EVC2: variants seen among roughly 807,000 people sequenced by gnomAD.
The protein encoded by EVC2 is limbin.
A neutral mutation model predicts 149.3 loss-of-function variants in EVC2; 148 were observed. That is an observed-to-expected ratio of 0.99 (90% confidence interval 0.87 to 1.14). EVC2 has a LOEUF of 1.14. Among genes scored for constraint, EVC2 ranks in the 50% most tolerant of loss-of-function variants. EVC2 has a pLI of 0.00. For missense variants in EVC2, 1,854 were observed against 1,627.3 expected (o/e 1.14, Z -2.40); for synonymous variants, 776 against 649.9 (o/e 1.19, Z -2.95).
At chr4:5,707,556 G>A (rs976705033) in intron 1 of EVC2, among the ~76,000 whole-genome samples, 1 of 152,082 alleles carries the variant, frequency 6.6e-6, no homozygotes, top group African/African-American at 2.4e-5. Context: ...CAGAGGTCTG[G>A]GGGAAAATGG....
At chr4:5,548,350 C>A (rs962474407) in intron 21 of EVC2, among the ~76,000 whole-genome samples, 10 of 150,336 alleles carry the variant, frequency 6.7e-5, no homozygotes, top group African/African-American at 2.5e-4. Context: ...GGAGCTGCAG[C>A]AGCCACCTTG....
At chr4:5,641,178 C>T (rs1217328951) in intron 9 of EVC2, among the ~76,000 whole-genome samples, 1 of 152,134 alleles carries the variant, frequency 6.6e-6, no homozygotes, top group Non-Finnish European at 1.5e-5. Context: ...GTTTATTTTA[C>T]TTTTCTTCCC....
the EVC2 span, among the ~76,000 whole-genome samples, chr4:5,533,202 A>G: frequency 3.3e-5 from 5 of 151,900 alleles, 1 homozygote; most frequent in African/African-American, 7.3e-5. Context: ...TGGGTTGGGG[A>G]GGAGGTGGGG....
intron 21 of EVC2, among the ~76,000 whole-genome samples, chr4:5,554,150 G>C (rs1166951069): frequency 2.0e-5 from 3 of 152,162 alleles, no homozygotes; most frequent in African/African-American, 7.2e-5. Flanking sequence ...CATAGGACAA[G>C]GAAAAAGTTG....
chr4:5,604,922 C>T (rs752379201), intron 16 of EVC2, among the ~76,000 whole-genome samples: 7 of 151,926 alleles, frequency 4.6e-5, no homozygotes, highest in Non-Finnish European at 8.8e-5. Context: ...CTGCTACCCC[C>T]GAGACAGCAA....
chr4:5,689,144 G>A lies in EVC2; in HGVS notation c.706+13C>T, dbSNP rs371526145. 108 of 1,613,658 alleles carry A rather than the reference G, an allele frequency of 6.7e-5. No individual in the cohort carries two copies. Among genetic ancestry groups the A allele is most frequent in the Non-Finnish European group, 8.2e-5 (97 of 1,179,954 alleles). ...CATTTGTCATCCCTGACTTCAGAAC[G>A]CTTTGCTGTTACCTTGCAGAAACTT... is the stretch of plus-strand genomic sequence containing the variant. On this transcript the variant is annotated intron_variant, in intron 5 of 21. Coordinates refer to ENST00000344408, the MANE Select transcript of EVC2 (RefSeq NM_147127.5).
In EVC2 at chr4:5,708,372, G is replaced by A. The variant is rs1036132954; in HGVS notation, c.142C>T (p.Arg48Trp). The A allele has an allele frequency of 6.0e-6, 9 of 1,491,892 alleles. No homozygotes were observed. Among genetic ancestry groups the A allele is most frequent in the South Asian group, 3.8e-5 (3 of 78,684 alleles). 92.4% of individuals were successfully genotyped at this position (1,491,892 alleles called of 1,614,324 possible). Residue 48 changes from arginine (R) to tryptophan (W), a missense_variant, in exon 1 of 22, where the codon CGG becomes TGG. Arg to Trp is a moderately radical substitution (Grantham distance 101, BLOSUM62 -3). Coordinates refer to ENST00000344408, the MANE Select transcript of EVC2 (RefSeq NM_147127.5). ...RWRPLGAQPP[R>W]DPQVAPRSGP... ...GACCTAGGAGCCACCTGGGGATCCCGGGGTGGCTGCGCGCCGAGGGGGCGC... is the reference window on the plus strand; with the variant it reads ...GACCTAGGAGCCACCTGGGGATCCCAGGGTGGCTGCGCGCCGAGGGGGCGC...
At chr4:5,546,284 G>A (rs137930962) in intron 21 of EVC2, among the ~76,000 whole-genome samples, 1,628 of 152,266 alleles carry the variant, frequency 0.011, 28 homozygotes, top group African/African-American at 0.036. Flanking sequence ...CTGCGGCACT[G>A]TTCACAATAG....
chr4:5,609,814 C>A (rs753802486), intron 16 of EVC2, among the ~76,000 whole-genome samples: 119 of 152,224 alleles, frequency 7.8e-4, no homozygotes, highest in Non-Finnish European at 1.5e-3. Flanking sequence ...TGACACAGAA[C>A]AGAGAGCTTC....
At chr4:5,598,429 T>G (rs1226282016) in intron 16 of EVC2, among the ~76,000 whole-genome samples, 1 of 151,812 alleles carries the variant, frequency 6.6e-6, no homozygotes, top group Non-Finnish European at 1.5e-5. Context: ...TCTACAACTA[T>G]CTGATCTTTG....
At chr4:5,620,936 T>C (rs1009759375) in intron 14 of EVC2, among the ~76,000 whole-genome samples, 3 of 152,166 alleles carry the variant, frequency 2.0e-5, no homozygotes, top group African/African-American at 7.2e-5. Flanking sequence ...GGGCAAATCA[T>C]GGGAATAAGA....
chr4:5,654,768 C>CT (rs894496487), intron 9 of EVC2, among the ~76,000 whole-genome samples: 19 of 152,184 alleles, frequency 1.2e-4, no homozygotes, highest in African/African-American at 4.3e-4. Context: ...GGAGACCACT[C>CT]TGTTGTTGAG....
At chr4:5,583,119 ATG>A (rs776980143) in intron 17 of EVC2, among the ~76,000 whole-genome samples, 8 of 87,646 alleles carry the variant, frequency 9.1e-5, no homozygotes, top group Non-Finnish European at 2.6e-4. Context: ...AAATGATCAC[ATG>A]AGTCACTCCC....
In EVC2 at chr4:5,622,115, C is replaced by T. The variant is rs1011705495; in HGVS notation, c.2501+422G>A. On this transcript the variant is annotated intron_variant, in intron 14 of 21. Coordinates refer to ENST00000344408, the MANE Select transcript of EVC2 (RefSeq NM_147127.5). The surrounding 1 kb of genome is among the most constrained non-coding windows in gnomAD (Gnocchi z 5.8). ...ACTAGCAGGGCCTGGAATGGCCTAA[C>T]CGCAAGCTCCCCTTCCCCCTCTGCT... 1.3e-5 allele frequency among the ~76,000 whole-genome samples: 2 copies of T among 152,086 alleles called. No individual in the cohort carries two copies. The highest frequency in any genetic ancestry group is 1.9e-4 in the East Asian group (1 of 5,150).
chr4:5,702,434 A>T (rs907188928), intron 1 of EVC2, among the ~76,000 whole-genome samples: 2 of 152,186 alleles, frequency 1.3e-5, no homozygotes, highest in Non-Finnish European at 1.5e-5. Context: ...GGCATCTAGA[A>T]GGCCCTCAAT....
At chr4:5,574,847 A>G in intron 18 of EVC2, 75 bp from the exon 19 acceptor site, 2 of 1,425,110 alleles carry the variant, frequency 1.4e-6, no homozygotes, top group Non-Finnish European at 2.0e-6. Context: ...AGTTATTTAA[A>G]TAACAAAGAA....
intron 9 of EVC2, among the ~76,000 whole-genome samples, chr4:5,648,201 G>A (rs1340929775): frequency 6.6e-6 from 1 of 152,164 alleles, no homozygotes; most frequent in Non-Finnish European, 1.5e-5. Flanking sequence ...ATTCTGAAAT[G>A]TGCAATAGAT....
In EVC2 at chr4:5,584,754, A is replaced by G. The variant is rs773076172; in HGVS notation, c.2926T>C (p.Ser976Pro). Reference protein sequence around the residue: ...SLVALQFQKASRVTETLSAYT... With the variant: ...SLVALQFQKAPRVTETLSAYT... ...GCCGACAGAGTCTCGGTCACCCGGG[A>G]CGCCTTCTGGAACTGCAGAGCAACA... Residue 976 changes from serine to proline, a missense_variant, in exon 17 of 22, where the codon TCC becomes CCC. Transcript: ENST00000344408. The G allele has an allele frequency of 6.2e-7, 1 of 1,614,130 alleles. No homozygotes were observed. Among genetic ancestry groups the G allele is most frequent in the Non-Finnish European group, 8.5e-7 (1 of 1,180,030 alleles).
Position 5,586,695 on chromosome 4 carries a change from T to C in EVC2, c.2830-1845A>G, listed in dbSNP as rs113628129. ...TGTTCCTTTCTATTGACAATAACTCTTTCAACCAACTGCCAATCAGAAAAT... is the reference window on the plus strand; with the variant it reads ...TGTTCCTTTCTATTGACAATAACTCCTTCAACCAACTGCCAATCAGAAAAT... On this transcript the variant is annotated intron_variant, in intron 16 of 21. Coordinates refer to ENST00000344408, the MANE Select transcript of EVC2 (RefSeq NM_147127.5). Among the ~76,000 whole-genome samples, 506 of 152,322 alleles carry C rather than the reference T, an allele frequency of 3.3e-3. 3 individuals are homozygous for C. The highest frequency in any genetic ancestry group is 0.011 in the African/African-American group (477 of 41,580).
Sources: allele counts gnomAD v4.1 joint callset (sites outside exome capture counted in the v4.1 genomes callset), GRCh38; gene constraint gnomAD v4.1.1; non-coding constraint Gnocchi (gnomAD v3.1); transcripts MANE v1.5; gene names NCBI Gene and HGNC (gene_info 2026-07-23, HGNC 2026-07-21).